Variants in GUCY2C observed in about 807,000 individuals in gnomAD.
GUCY2C encodes the protein guanylyl cyclase C.
GUCY2C carries 118 observed loss-of-function variants against 131.1 expected under a neutral mutation model. The observed-to-expected ratio is 0.90, with a 90% CI of 0.78 to 1.05. The LOEUF is 1.05. Among genes scored for constraint, GUCY2C ranks in the 50% least tolerant of loss-of-function variants. The pLI is 0.00. For missense variants in GUCY2C, 1,161 were observed against 1,304.4 expected (o/e 0.89, Z 1.69); for synonymous variants, 452 against 457.8 (o/e 0.99, Z 0.16).
chr12:14,690,361 A>C lies in GUCY2C; in HGVS notation c.218-2298T>G, dbSNP rs74068101. Among the ~76,000 whole-genome samples, 1,469 of 151,988 alleles carry C rather than the reference A, an allele frequency of 9.7e-3. 12 individuals carry two copies. The highest frequency in any genetic ancestry group is 0.032 in the African/African-American group (1,322 of 41,460). On this transcript the variant is annotated intron_variant, in intron 1 of 26. Transcript: ENST00000261170. ...GCTTGAGGTCTTTGTATAATGGAGA[A>C]CTCCCATATTTAGATGAAAGCAAGG...
chr12:14,674,469 C>T lies in GUCY2C; in HGVS notation c.1084+156G>A, dbSNP rs183632007. ...CGGAGTTCAGTTATCAATAACAGCA[C>T]CCTCAAAGTTTATGTAATGATGTTT... On this transcript the variant is annotated intron_variant, in intron 8 of 26. Transcript: ENST00000261170. The T allele has an allele frequency of 1.9e-4, 149 of 766,740 alleles. 1 individual carries two copies. In the African/African-American group the frequency reaches 2.4e-3, roughly 13 times the overall value. The allele number at this position is 766,740 out of a possible 1,614,324, so 47.5% of individuals were successfully genotyped here.
intron 4 of GUCY2C, 143 bp from the exon 5 acceptor site, chr12:14,681,620 T>G: frequency 1.5e-6 from 1 of 656,844 alleles, no homozygotes; most frequent in Non-Finnish European, 2.6e-6. Context: ...GCACACACCA[T>G]GATACCACTA....
At position 14,683,158 on chromosome 12, in the gene GUCY2C, T is replaced by C; in HGVS notation, c.495A>G (p.Arg165=). 2 of 1,613,430 alleles carry C rather than the reference T, an allele frequency of 1.2e-6. No individual in the cohort carries two copies. Among genetic ancestry groups the C allele is most frequent in the Non-Finnish European group, 1.7e-6 (2 of 1,179,414 alleles). Residue 165 remains arginine, a synonymous_variant, in exon 4 of 27, where the codon AGA becomes AGG. Transcript: ENST00000261170. ...AGTTAACCAAGAAGTACATCAACTT[T>C]CTAGCTGGAGACATCAGCCTGGTTA... ...ETLTRLMSPA[R]KLMYFLVNFW...
chr12:14,690,821 G>A (rs1042871949), intron 1 of GUCY2C, among the ~76,000 whole-genome samples: 2 of 152,202 alleles, frequency 1.3e-5, no homozygotes, highest in African/African-American at 2.4e-5. Context: ...GATTACAGGC[G>A]TGAGCCACTG....
chr12:14,672,670 T>C (rs1482691310), intron 9 of GUCY2C, among the ~76,000 whole-genome samples: 1 of 152,158 alleles, frequency 6.6e-6, no homozygotes, highest in East Asian at 1.9e-4. Flanking sequence ...GTAAATACAG[T>C]GGATATTCTG....
chr12:14,693,146 C>T (rs931100650), intron 1 of GUCY2C, among the ~76,000 whole-genome samples: 2 of 152,156 alleles, frequency 1.3e-5, no homozygotes, highest in Admixed American at 6.5e-5. Context: ...CTCTCTACCC[C>T]ACAATGATAT....
intron 1 of GUCY2C, among the ~76,000 whole-genome samples, chr12:14,692,523 C>T (rs1004047730): frequency 3.9e-5 from 6 of 152,282 alleles, no homozygotes; most frequent in South Asian, 2.1e-4. Context: ...AAACATAACT[C>T]TTCAGCACCC....
At chr12:14,640,462 C>CAAAA (rs3083859) in intron 18 of GUCY2C, among the ~76,000 whole-genome samples, 24 of 114,570 alleles carry the variant, frequency 2.1e-4, no homozygotes, top group African/African-American at 7.4e-4. Flanking sequence ...GACACTGTCT[C>CAAAA]AAAAAAAAAA....
chr12:14,693,563 T>A (rs1000689256), intron 1 of GUCY2C, among the ~76,000 whole-genome samples: 3 of 152,230 alleles, frequency 2.0e-5, no homozygotes, highest in Admixed American at 2.0e-4. Flanking sequence ...TATTGTCTTA[T>A]AATTTTTCCC....
intron 1 of GUCY2C, among the ~76,000 whole-genome samples, chr12:14,693,124 T>G (rs1948602765): frequency 6.6e-6 from 1 of 152,146 alleles, no homozygotes; most frequent in Non-Finnish European, 1.5e-5. Flanking sequence ...TTTTCATCCT[T>G]TCCTACCGGC....
intron 17 of GUCY2C, among the ~76,000 whole-genome samples, chr12:14,643,324 A>T (rs190651215): frequency 3.3e-5 from 5 of 152,270 alleles, no homozygotes; most frequent in African/African-American, 1.2e-4. Context: ...CCCACAAGCC[A>T]TTAAGTTATT....
At chr12:14,621,262 A>G in intron 22 of GUCY2C, 46 bp from the exon 23 acceptor site, 4 of 1,511,168 alleles carry the variant, frequency 2.6e-6, no homozygotes, top group Non-Finnish European at 3.7e-6. Flanking sequence ...TTTGAAAAGT[A>G]TAGAAAGTAA....
At chr12:14,661,130 G>C (rs1400400493) in intron 10 of GUCY2C, 68 bp from the exon 11 acceptor site, 1 of 963,700 alleles carries the variant, frequency 1.0e-6, no homozygotes, top group South Asian at 1.4e-5. Flanking sequence ...GATTCTAGCT[G>C]TACAATGTAA....
At chr12:14,640,956 T>C (rs751687898) in intron 18 of GUCY2C, 126 bp downstream of exon 18, 2 of 812,520 alleles carry the variant, frequency 2.5e-6, no homozygotes, top group African/African-American at 1.7e-5. Flanking sequence ...ATAATGCAGA[T>C]GGGAAATCAT....
chr12:14,656,727 G>C lies in GUCY2C; in HGVS notation c.1365-110C>G. Reference sequence around the variant, plus strand: ...CTGGTATGCTCAGGTAGATATGTGTGAGGGAAGGTAGCCCAATGACAGAAC... The same window carrying C: ...CTGGTATGCTCAGGTAGATATGTGTCAGGGAAGGTAGCCCAATGACAGAAC... On this transcript the variant is annotated intron_variant, in intron 11 of 26. Coordinates refer to ENST00000261170, the MANE Select transcript of GUCY2C (RefSeq NM_004963.4). The C allele has an allele frequency of 5.3e-6, 3 of 563,138 alleles. No individual in the cohort carries two copies. The South Asian group carries it at 8.0e-5, about 15-fold the overall frequency. The allele number at this position is 563,138 out of a possible 1,614,324, so 34.9% of individuals were successfully genotyped here. A position where few individuals can be genotyped will look rare whatever the true frequency, so the allele number is the denominator to read the frequency against.
At chr12:14,692,083 G>T (rs1223336036) in intron 1 of GUCY2C, among the ~76,000 whole-genome samples, 1 of 152,190 alleles carries the variant, frequency 6.6e-6, no homozygotes, top group Non-Finnish European at 1.5e-5. Flanking sequence ...TAGAACAGCA[G>T]TTCTCAAAGT....
intron 1 of GUCY2C, among the ~76,000 whole-genome samples, chr12:14,692,613 C>T (rs549701604): frequency 2.4e-4 from 36 of 152,166 alleles, no homozygotes; most frequent in Admixed American, 1.4e-3. Flanking sequence ...TTTGGGAGGC[C>T]GAGGCGGGCA....
intron 10 of GUCY2C, among the ~76,000 whole-genome samples, chr12:14,666,711 G>T: frequency 6.8e-6 from 1 of 147,770 alleles, no homozygotes; most frequent in Non-Finnish European, 1.5e-5. Flanking sequence ...CTCCAGCCTG[G>T]GTGATACAGC....
Position 14,676,923 on chromosome 12 carries a change from AT to A in GUCY2C, c.878del (p.Asn293MetfsTer5). The A allele has an allele frequency of 2.5e-6, 4 of 1,574,058 alleles. No homozygotes were observed. Among genetic ancestry groups the A allele is most frequent in the Non-Finnish European group, 3.5e-6 (4 of 1,151,594 alleles). ...CAGGAGACAGCGTCAGAACAAGGAC[AT>A]TTTTCATATAGTCAGGGGCTGTGAC... ...DNVTAPDYMK[N>X]VLVLTLSPGN... On this transcript the variant is annotated frameshift_variant, in exon 7 of 27. Coordinates refer to ENST00000261170, the MANE Select transcript of GUCY2C (RefSeq NM_004963.4). LOFTEE classifies it high-confidence loss of function.
Sources: allele counts gnomAD v4.1 joint callset (sites outside exome capture counted in the v4.1 genomes callset), GRCh38; gene constraint gnomAD v4.1.1; transcripts MANE v1.5; gene names NCBI Gene and HGNC (gene_info 2026-07-23, HGNC 2026-07-21).